The following USH2A variants were observed in gnomAD, a reference collection of about 807,000 sequenced individuals.
USH2A encodes usherin.
In USH2A, 443 loss-of-function variants were observed where a neutral mutation model predicts 538.9. That is an observed-to-expected ratio of 0.82 (90% CI 0.76 to 0.89). USH2A has a LOEUF of 0.89. Ranked by LOEUF, USH2A falls within the 40% of genes least tolerant of loss-of-function variation. The pLI is 0.00. For synonymous variants in USH2A, 2,413 were observed against 2,273.5 expected (o/e 1.06, Z -1.75); for missense variants, 6,633 against 6,324.8 (o/e 1.05, Z -1.65).
chr1:215,654,590 T>C (rs1304741610), intron 64 of USH2A, among the ~76,000 whole-genome samples: 4 of 152,222 alleles, frequency 2.6e-5, no homozygotes, highest in Non-Finnish European at 4.4e-5. Flanking sequence ...CTGACTGACT[T>C]GTTGATTTAT....
rs114046974 is a variant in USH2A, at chr1:215,667,435, G to A, written c.14133+3537C>T. On this transcript the variant is annotated intron_variant, in intron 64 of 71. Coordinates refer to ENST00000307340, the MANE Select transcript of USH2A (RefSeq NM_206933.4). ...CAGATATTTCCTGACCCTCCTGCCC[G>A]TTAGAACTCATCCATCACTTTAGGA... 5.7e-3 allele frequency among the ~76,000 whole-genome samples: 872 copies of A among 152,064 alleles called. 9 individuals carry two copies. Among genetic ancestry groups the A allele is most frequent in the African/African-American group, 0.02 (840 of 41,446 alleles).
At chr1:216,235,902 C>T (rs1337647821) in intron 13 of USH2A, among the ~76,000 whole-genome samples, 3 of 152,104 alleles carry the variant, frequency 2.0e-5, no homozygotes, top group African/African-American at 4.8e-5. Flanking sequence ...GGTGGCTCAC[C>T]TATATCCATG....
At chr1:216,201,679 C>T (rs549501990) in intron 16 of USH2A, 46 of 200,078 alleles carry the variant, frequency 2.3e-4, no homozygotes, top group Middle Eastern at 5.9e-4. Context: ...AGGAGGCCTC[C>T]GCTGGTGTTG....
At chr1:215,899,203 T>C (rs1056554183) in intron 40 of USH2A, among the ~76,000 whole-genome samples, 1 of 152,210 alleles carries the variant, frequency 6.6e-6, no homozygotes, top group African/African-American at 2.4e-5. Context: ...TTTGTGTTAA[T>C]ATCTAGGCTT....
chr1:215,631,249 G>C (rs566749175), intron 70 of USH2A, among the ~76,000 whole-genome samples: 6 of 144,588 alleles, frequency 4.1e-5, no homozygotes, highest in Non-Finnish European at 7.4e-5. Context: ...TGTGTGTGTG[G>C]GTGGGTGTTG....
chr1:215,966,583 G>A (rs1667353383), intron 36 of USH2A, among the ~76,000 whole-genome samples: 2 of 152,068 alleles, frequency 1.3e-5, no homozygotes, highest in South Asian at 2.1e-4. Flanking sequence ...ATAACTATGA[G>A]GTCACAACAT....
intron 9 of USH2A, among the ~76,000 whole-genome samples, chr1:216,296,198 G>A (rs1257536162): frequency 6.6e-6 from 1 of 152,050 alleles, no homozygotes; most frequent in Non-Finnish European, 1.5e-5. Flanking sequence ...ATATCAGGTA[G>A]TGCTACTTTT....
chr1:216,079,589 T>C (rs186139489), intron 26 of USH2A, among the ~76,000 whole-genome samples: 468 of 152,220 alleles, frequency 3.1e-3, no homozygotes, highest in Non-Finnish European at 4.7e-3. Flanking sequence ...GCCAGCTATG[T>C]AGAAGCCAGA....
chr1:216,008,864 G>T (rs190189578), intron 32 of USH2A, among the ~76,000 whole-genome samples: 1 of 151,986 alleles, frequency 6.6e-6, no homozygotes, highest in Non-Finnish European at 1.5e-5. Flanking sequence ...AAACTCTGGC[G>T]CCAGTCACGG....
Position 215,790,121 on chromosome 1 carries a change from C to T in USH2A, c.10120G>A (p.Val3374Ile), listed in dbSNP as rs149797612. ...ACATATTTCAAAGGATTATATCCAA[C>T]TCCATTACAGCATTTCTGGCTCTTT... ...IPKSQKCCNG[V>I]GYNPLKYVCS... is the part of the protein sequence containing the mutation. Residue 3374 changes from valine (V) to isoleucine (I), a missense_variant, in exon 51 of 72, where the codon GTT becomes ATT. By Grantham distance (29) the Val-to-Ile change is conservative. Coordinates refer to ENST00000307340, the MANE Select transcript of USH2A (RefSeq NM_206933.4). 9.9e-6 allele frequency: 16 copies of T among 1,613,692 alleles called. No homozygotes were observed. Among genetic ancestry groups the T allele is most frequent in the South Asian group, 4.4e-5 (4 of 91,066 alleles).
chr1:215,993,515 C>CACACACACACACACACAT (rs1668056080), intron 34 of USH2A, among the ~76,000 whole-genome samples: 2 of 151,408 alleles, frequency 1.3e-5, no homozygotes, highest in African/African-American at 4.9e-5. Flanking sequence ...ATTAAACACA[C>CACACACACACACACACAT]ACACACACAC....
chr1:215,804,475 A>G (rs1225672033), intron 49 of USH2A, among the ~76,000 whole-genome samples: 1 of 151,682 alleles, frequency 6.6e-6, no homozygotes, highest in African/African-American at 2.4e-5. Context: ...TGGGTGAAGG[A>G]TATGAACAGA....
chr1:215,877,644 T>C, intron 43 of USH2A, 114 bp downstream of exon 43: 1 of 1,502,686 alleles, frequency 6.7e-7, no homozygotes, highest in South Asian at 1.1e-5. Flanking sequence ...CAAACATGTT[T>C]TATTGCATAA....
intron 3 of USH2A, among the ~76,000 whole-genome samples, chr1:216,375,220 T>C (rs1452980634): frequency 6.6e-6 from 1 of 152,178 alleles, no homozygotes; most frequent in African/African-American, 2.4e-5. Context: ...TTTGGAGCTT[T>C]GAAACTAGGC....
intron 40 of USH2A, among the ~76,000 whole-genome samples, chr1:215,892,487 A>G (rs1390493476): frequency 6.6e-6 from 1 of 152,192 alleles, no homozygotes; most frequent in East Asian, 1.9e-4. Flanking sequence ...CTAATTGTCA[A>G]TGTAGCCTTT....
At chr1:215,840,070 C>T (rs900843651) in intron 46 of USH2A, among the ~76,000 whole-genome samples, 8 of 140,326 alleles carry the variant, frequency 5.7e-5, no homozygotes, top group African/African-American at 1.1e-4. Context: ...GGCTGAGGCA[C>T]GAGAATCTCT....
chr1:215,648,931 CAGTT>C (rs1289321312), intron 65 of USH2A, among the ~76,000 whole-genome samples, 165 bp from the exon 66 acceptor site: 1 of 152,146 alleles, frequency 6.6e-6, no homozygotes, highest in East Asian at 1.9e-4. Context: ...ATTACCAACT[CAGTT>C]AGAGAGGTAT....
chr1:216,031,569 C>T (rs767727588), intron 32 of USH2A, among the ~76,000 whole-genome samples: 3 of 152,070 alleles, frequency 2.0e-5, no homozygotes, highest in Non-Finnish European at 4.4e-5. Flanking sequence ...GTCCTTATGC[C>T]TGCTAAATGG....
At chr1:215,850,751 A>C (rs889252295) in intron 44 of USH2A, among the ~76,000 whole-genome samples, 1 of 152,200 alleles carries the variant, frequency 6.6e-6, no homozygotes, top group Non-Finnish European at 1.5e-5. Context: ...CATTCTATTC[A>C]TCAGCACATG....
Sources: allele counts gnomAD v4.1 joint callset (sites outside exome capture counted in the v4.1 genomes callset), GRCh38; gene constraint gnomAD v4.1.1; transcripts MANE v1.5; gene names NCBI Gene and HGNC (gene_info 2026-07-23, HGNC 2026-07-21).